CYP7B1: variants seen among roughly 807,000 people sequenced by gnomAD.
The protein encoded by CYP7B1 is cytochrome P450 7B1.
A neutral mutation model predicts 42.7 loss-of-function variants in CYP7B1; 29 were observed. That is an observed-to-expected ratio of 0.68 (90% CI 0.51 to 0.93). The LOEUF (loss-of-function observed/expected upper bound fraction) is 0.93. Among genes scored for constraint, CYP7B1 ranks in the 40% least tolerant of loss-of-function variants. CYP7B1 has a pLI of 0.00. For missense variants in CYP7B1, 655 were observed against 600.5 expected, an observed-to-expected ratio of 1.09 and a Z score of -0.95; for synonymous variants, 235 against 218.2, an observed-to-expected ratio of 1.08 and a Z score of -0.68.
intron 1 of CYP7B1, among the ~76,000 whole-genome samples, chr8:64,764,973 GAGGAAAA>G (rs907350780): frequency 2.1e-5 from 3 of 143,528 alleles, no homozygotes; most frequent in African/African-American, 8.1e-5. Flanking sequence ...CCAGGTGATT[GAGGAAAA>G]AAAAAAAAAA....
intron 5 of CYP7B1, among the ~76,000 whole-genome samples, chr8:64,597,932 G>A (rs1450395505): frequency 6.6e-6 from 1 of 152,178 alleles, no homozygotes; most frequent in Non-Finnish European, 1.5e-5. Flanking sequence ...CAGATCCAAA[G>A]CATTTCAGGT....
intron 1 of CYP7B1, among the ~76,000 whole-genome samples, chr8:64,675,465 ATTT>A (rs1382333903): frequency 2.7e-5 from 4 of 150,446 alleles, no homozygotes. Context: ...TATTAATTTT[ATTT>A]TTTATTATTT....
At chr8:64,750,721 C>T (rs2129633483) in intron 1 of CYP7B1, among the ~76,000 whole-genome samples, 1 of 152,290 alleles carries the variant, frequency 6.6e-6, no homozygotes, top group African/African-American at 2.4e-5. Flanking sequence ...TAACTTAATA[C>T]TGAGTTGAAC....
intron 1 of CYP7B1, among the ~76,000 whole-genome samples, chr8:64,691,723 G>A (rs1018905065): frequency 1.3e-5 from 2 of 152,308 alleles, no homozygotes; most frequent in African/African-American, 4.8e-5. Context: ...GATCATCTGA[G>A]CACTGAGGCT....
intron 1 of CYP7B1, among the ~76,000 whole-genome samples, chr8:64,787,887 A>C (rs1804554627): frequency 6.6e-6 from 1 of 152,220 alleles, no homozygotes; most frequent in African/African-American, 2.4e-5. Context: ...GGAAGCAAAT[A>C]TGTCCTTCTT....
chr8:64,790,087 A>G (rs1273149672), intron 1 of CYP7B1, among the ~76,000 whole-genome samples: 2 of 152,214 alleles, frequency 1.3e-5, no homozygotes, highest in Non-Finnish European at 2.9e-5. Flanking sequence ...AGATAGATGT[A>G]AGAATCAAAG....
chr8:64,679,032 C>A (rs529006881), intron 1 of CYP7B1, among the ~76,000 whole-genome samples: 1 of 151,998 alleles, frequency 6.6e-6, no homozygotes, highest in African/African-American at 2.4e-5. Flanking sequence ...AGTCCTTGTA[C>A]GTTTTGAGTT....
intron 1 of CYP7B1, among the ~76,000 whole-genome samples, chr8:64,704,492 A>C (rs888789623): frequency 6.6e-6 from 1 of 152,112 alleles, no homozygotes; most frequent in Non-Finnish European, 1.5e-5. Flanking sequence ...TATAATATGT[A>C]TCAGAACATA....
At chr8:64,792,969 T>TA (rs2129727689) in intron 1 of CYP7B1, among the ~76,000 whole-genome samples, 1 of 152,302 alleles carries the variant, frequency 6.6e-6, no homozygotes, top group South Asian at 2.1e-4. Flanking sequence ...GATATTATCC[T>TA]AAACTACCTA....
intron 1 of CYP7B1, among the ~76,000 whole-genome samples, chr8:64,678,271 C>A (rs1284269856): frequency 1.3e-5 from 2 of 152,054 alleles, no homozygotes; most frequent in Non-Finnish European, 2.9e-5. Context: ...ATCAGGCCTG[C>A]TGTCTGCATA....
At chr8:64,730,750 T>TGC (rs944839814) in intron 1 of CYP7B1, among the ~76,000 whole-genome samples, 3 of 47,484 alleles carry the variant, frequency 6.3e-5, no homozygotes, top group African/African-American at 2.6e-4. Flanking sequence ...AAGGACTGTC[T>TGC]GCACACACAC....
At chr8:64,709,045 T>C (rs1050728572) in intron 1 of CYP7B1, among the ~76,000 whole-genome samples, 1 of 152,170 alleles carries the variant, frequency 6.6e-6, no homozygotes, top group Non-Finnish European at 1.5e-5. Context: ...CTGAGCTGTG[T>C]TACTCCAATT....
intron 1 of CYP7B1, among the ~76,000 whole-genome samples, chr8:64,686,119 G>A (rs1472160835): frequency 3.2e-4 from 28 of 87,514 alleles, no homozygotes; most frequent in South Asian, 8.1e-4. Flanking sequence ...TCAGCCCTCC[G>A]CCCGGCCAGC....
chr8:64,596,043 A>C lies in CYP7B1; in HGVS notation c.*599T>G, dbSNP rs570508509. 1 of 161,462 alleles carries C rather than the reference A, an allele frequency of 6.2e-6. No homozygotes were observed. Among genetic ancestry groups the C allele is most frequent in the South Asian group, 1.2e-4 (1 of 8,390 alleles). 10.0% of individuals were successfully genotyped at this position (161,462 alleles called of 1,614,324 possible). A position where few individuals can be genotyped will look rare whatever the true frequency, so the allele number is the denominator to read the frequency against. On this transcript the variant is annotated 3_prime_UTR_variant, in exon 6 of 6. Transcript: ENST00000310193. Reference sequence around the variant, plus strand: ...TCTATTGAGCCATAGTATACAAAGTAATAAGGAACATTTATGCATGATTAA... The same window carrying C: ...TCTATTGAGCCATAGTATACAAAGTCATAAGGAACATTTATGCATGATTAA...
intron 1 of CYP7B1, among the ~76,000 whole-genome samples, chr8:64,643,108 T>TACATACATATAC (rs1805884636): frequency 7.0e-6 from 1 of 142,276 alleles, no homozygotes; most frequent in Non-Finnish European, 1.5e-5. Context: ...CACATATATA[T>TACATACATATAC]ACATATATAT....
intron 1 of CYP7B1, among the ~76,000 whole-genome samples, chr8:64,652,571 G>A (rs934357566): frequency 5.9e-5 from 9 of 152,310 alleles, no homozygotes; most frequent in Middle Eastern, 3.4e-3. Context: ...GTGGCCAGGC[G>A]CAGTGGCTCA....
At chr8:64,598,759 C>T (rs950132451) in intron 5 of CYP7B1, among the ~76,000 whole-genome samples, 4 of 152,152 alleles carry the variant, frequency 2.6e-5, no homozygotes, top group African/African-American at 4.8e-5. Context: ...TTCTACTCAA[C>T]GAGCAACACC....
At chr8:64,723,718 A>C (rs948506287) in intron 1 of CYP7B1, among the ~76,000 whole-genome samples, 3 of 152,192 alleles carry the variant, frequency 2.0e-5, no homozygotes, top group Non-Finnish European at 4.4e-5. Flanking sequence ...CCTTTAAGAA[A>C]CCAATCTCAA....
chr8:64,742,148 C>G (rs1807579042), intron 1 of CYP7B1, among the ~76,000 whole-genome samples: 1 of 151,884 alleles, frequency 6.6e-6, no homozygotes, highest in African/African-American at 2.4e-5. Context: ...ATTTCATAAC[C>G]ACAGAAATTA....
Sources: allele counts gnomAD v4.1 joint callset (sites outside exome capture counted in the v4.1 genomes callset), GRCh38; gene constraint gnomAD v4.1.1; transcripts MANE v1.5; gene names NCBI Gene and HGNC (gene_info 2026-07-23, HGNC 2026-07-21).